The following PCDH11X variants were observed in gnomAD, a reference collection of about 807,000 sequenced individuals.
PCDH11X encodes protocadherin-11 X-linked.
A neutral mutation model predicts 53.3 loss-of-function variants in PCDH11X; 18 were observed. That is an observed-to-expected ratio of 0.34 (90% CI 0.23 to 0.50). The LOEUF (loss-of-function observed/expected upper bound fraction) is 0.50, where lower values mean the gene tolerates loss of function less well. Among genes scored for constraint, PCDH11X ranks in the 20% least tolerant of loss-of-function variants. The pLI is 0.98. For synonymous variants in PCDH11X, 279 were observed against 393.3 expected (o/e 0.71, Z 3.44); for missense variants, 570 against 1,032.4 (o/e 0.55, Z 6.14).
intron 10 of PCDH11X, among the ~76,000 whole-genome samples, chrX:92,551,486 A>T (rs1231694240): frequency 9.5e-6 from 1 of 104,799 alleles, no homozygotes; most frequent in African/African-American, 3.4e-5. Flanking sequence ...GTAGGTTGCA[A>T]ATATTTTCTC....
chrX:92,141,602 T>C (rs2065180495), intron 6 of PCDH11X, among the ~76,000 whole-genome samples: 1 of 112,082 alleles, frequency 8.9e-6, no homozygotes, highest in Non-Finnish European at 1.9e-5. Context: ...TAATGTTTTT[T>C]TCCAATGCCA....
chrX:91,832,549 C>G (rs867483216), intron 4 of PCDH11X, among the ~76,000 whole-genome samples: 1 of 103,406 alleles, frequency 9.7e-6, no homozygotes, highest in African/African-American at 3.5e-5. Flanking sequence ...TGTTAAATGA[C>G]GAGTTAATGG....
intron 8 of PCDH11X, among the ~76,000 whole-genome samples, chrX:92,352,980 C>T (rs1483326938): frequency 9.0e-6 from 1 of 110,673 alleles, no homozygotes; most frequent in African/African-American, 3.3e-5. Context: ...TTCAAGTCTC[C>T]ACACGCTGCT....
At chrX:92,163,594 T>C in intron 6 of PCDH11X, among the ~76,000 whole-genome samples, 1 of 111,279 alleles carries the variant, frequency 9.0e-6, no homozygotes, top group Non-Finnish European at 1.9e-5. Flanking sequence ...TCTCCCGTGA[T>C]TTAGACCCTC....
intron 6 of PCDH11X, among the ~76,000 whole-genome samples, chrX:91,962,036 G>A (rs753641794): frequency 7.8e-4 from 83 of 106,911 alleles, no homozygotes; most frequent in African/African-American, 2.8e-3. Context: ...GGGAGCTACA[G>A]TTCAAGATGA....
chrX:92,545,508 T>G (rs1486964766), intron 10 of PCDH11X, among the ~76,000 whole-genome samples: 2 of 107,276 alleles, frequency 1.9e-5, no homozygotes, highest in African/African-American at 6.8e-5. Flanking sequence ...TTCATGTGAT[T>G]CTCGTGCCTC....
chrX:92,536,764 C>T (rs1381980285), intron 10 of PCDH11X, among the ~76,000 whole-genome samples: 1 of 103,515 alleles, frequency 9.7e-6, no homozygotes, highest in African/African-American at 3.5e-5. Context: ...ATCAAGCGAT[C>T]TCCCTGTCTC....
rs182974434 is a variant in PCDH11X at position 92,244,749 on chromosome X, G to A, written c.3115-18365G>A. 2.0e-3 allele frequency among the ~76,000 whole-genome samples: 221 copies of A among 111,565 alleles called. 1 individual carries two copies. The highest frequency in any genetic ancestry group is 7.0e-3 in the African/African-American group (214 of 30,753). ...TAAGTAACTTTCCCACGGTCATAGA[G>A]TTAAGTGGTAGAATTGGGTTTTGAG... On this transcript the variant is annotated intron_variant, in intron 7 of 10. Coordinates refer to ENST00000682573, the MANE Select transcript of PCDH11X (RefSeq NM_032968.5).
chrX:92,438,733 C>T (rs1055292984), intron 9 of PCDH11X, among the ~76,000 whole-genome samples: 3 of 111,244 alleles, frequency 2.7e-5, no homozygotes, highest in Admixed American at 1.9e-4. Context: ...TAGATCTACC[C>T]CACTTTGTCC....
At chrX:92,539,550 A>T (rs1257148684) in intron 10 of PCDH11X, among the ~76,000 whole-genome samples, 2 of 111,549 alleles carry the variant, frequency 1.8e-5, no homozygotes, top group African/African-American at 6.5e-5. Context: ...ATTTTGAATT[A>T]TCTGTCTGAA....
At chrX:92,558,870 G>A (rs1421693523) in intron 10 of PCDH11X, among the ~76,000 whole-genome samples, 3 of 110,314 alleles carry the variant, frequency 2.7e-5, no homozygotes, top group Non-Finnish European at 5.7e-5. Context: ...TAATTGCTAT[G>A]TCAAGTAACA....
chrX:92,207,963 G>A lies in PCDH11X; in HGVS notation c.3114+6508G>A, dbSNP rs181118120. ...TATAATCCTAGCACTTTGGGAGGCC[G>A]AGGCAGGTGGATCACGAGATCAGGA... is the stretch of plus-strand genomic sequence containing the variant. On this transcript the variant is annotated intron_variant, in intron 7 of 10. Coordinates refer to ENST00000682573, the MANE Select transcript of PCDH11X (RefSeq NM_032968.5). 4.1e-3 allele frequency among the ~76,000 whole-genome samples: 457 copies of A among 110,593 alleles called. 1 individual carries two copies. The highest frequency in any genetic ancestry group is 5.7e-3 in the Non-Finnish European group (303 of 52,946).
intron 6 of PCDH11X, among the ~76,000 whole-genome samples, chrX:92,147,767 G>A (rs967001788): frequency 4.9e-5 from 5 of 102,651 alleles, no homozygotes; most frequent in Admixed American, 1.0e-4. Flanking sequence ...CACACTCCTC[G>A]TTTACTGAAC....
At chrX:92,231,339 T>G (rs1303055581) in intron 7 of PCDH11X, among the ~76,000 whole-genome samples, 2 of 111,803 alleles carry the variant, frequency 1.8e-5, no homozygotes, top group African/African-American at 6.5e-5. Context: ...CATTTAAAAT[T>G]TTGTAATTTT....
At chrX:92,446,655 A>G (rs890312588) in intron 9 of PCDH11X, among the ~76,000 whole-genome samples, 1 of 111,739 alleles carries the variant, frequency 8.9e-6, no homozygotes, top group Non-Finnish European at 1.9e-5. Context: ...TCCCGTATAA[A>G]TTACCCAGTC....
chrX:91,834,213 A>G (rs1937214699), intron 4 of PCDH11X, among the ~76,000 whole-genome samples: 2 of 111,524 alleles, frequency 1.8e-5, no homozygotes, highest in African/African-American at 6.5e-5. Context: ...GATATTTAAT[A>G]TATAAACTTG....
At position 92,243,899 on chromosome X, in the gene PCDH11X, G is replaced by A. The variant is rs774482327; in HGVS notation, c.3115-19215G>A. ...TGGAGATGAATGTGAATAAAGGGTA[G>A]AAATTAAAATTCCTGTAATCACTTA... On this transcript the variant is annotated intron_variant, in intron 7 of 10. Coordinates refer to ENST00000682573, the MANE Select transcript of PCDH11X (RefSeq NM_032968.5). Among the ~76,000 whole-genome samples the A allele has an allele frequency of 2.2e-4, 25 of 111,661 alleles. No individual in the cohort carries two copies. The South Asian group carries it at 9.4e-3, about 42-fold the overall frequency.
intron 8 of PCDH11X, among the ~76,000 whole-genome samples, chrX:92,297,637 T>G (rs1409199814): frequency 1.8e-5 from 2 of 111,557 alleles, no homozygotes; most frequent in African/African-American, 6.5e-5. Context: ...TTAGGGCTTT[T>G]TGGTGCCATA....
chrX:91,988,295 T>A (rs1423925019), intron 6 of PCDH11X, among the ~76,000 whole-genome samples: 1 of 110,391 alleles, frequency 9.1e-6, no homozygotes, highest in African/African-American at 3.3e-5. Context: ...TATCTAGTCC[T>A]CCCTTCTCCT....
Sources: gnomAD v4.1 joint callset for allele counts (sites outside exome capture counted in the v4.1 genomes callset) on GRCh38, gnomAD v4.1.1 for gene constraint, MANE v1.5 for transcripts, NCBI Gene and HGNC (gene_info 2026-07-23, HGNC 2026-07-21) for gene names.